Variants in PGAP1 observed in about 807,000 individuals in gnomAD.
The protein encoded by PGAP1 is GPI inositol-deacylase.
PGAP1 carries 76 observed loss-of-function variants against 127.0 expected under a neutral mutation model. That is an observed-to-expected ratio of 0.60 (90% confidence interval 0.50 to 0.72). The LOEUF (loss-of-function observed/expected upper bound fraction) is 0.72, where lower values mean the gene tolerates loss of function less well. Among genes scored for constraint, PGAP1 ranks in the 30% least tolerant of loss-of-function variants. The pLI, the probability that PGAP1 is intolerant of heterozygous loss-of-function variation, is 0.00. For missense variants in PGAP1, 982 were observed against 1,071.3 expected (o/e 0.92, Z 1.16); for synonymous variants, 362 against 366.5 (o/e 0.99, Z 0.14).
At chr2:196,868,209 C>G (rs1219699116) in intron 19 of PGAP1, among the ~76,000 whole-genome samples, 1 of 152,162 alleles carries the variant, frequency 6.6e-6, no homozygotes, top group Admixed American at 6.6e-5. Flanking sequence ...TTGCATAAGG[C>G]ATTTGGAATA....
chr2:196,860,286 CT>C (rs1701022691), intron 20 of PGAP1, among the ~76,000 whole-genome samples: 1 of 152,136 alleles, frequency 6.6e-6, no homozygotes, highest in Non-Finnish European at 1.5e-5. Flanking sequence ...AATCCCAGCA[CT>C]TTGGGAGGCT....
intron 20 of PGAP1, among the ~76,000 whole-genome samples, chr2:196,863,739 G>C (rs1406998148): frequency 6.6e-6 from 1 of 152,120 alleles, no homozygotes; most frequent in Non-Finnish European, 1.5e-5. Flanking sequence ...CACCAAGCCT[G>C]GATAATTTTT....
At position 196,836,898 on chromosome 2, in the gene PGAP1, GTAATA is replaced by G. The variant is rs1164948751; in HGVS notation, c.*4331_*4335del. On this transcript the variant is annotated 3_prime_UTR_variant, in exon 27 of 27. Transcript: ENST00000354764. ...AATTTTACAAAGTATCTTGTTTCCT[GTAATA>G]TACAAGTTCACAAATCCTACACAAT... 1 of 152,072 alleles carries G rather than the reference GTAATA, an allele frequency of 6.6e-6. No individual in the cohort carries two copies. The highest frequency in any genetic ancestry group is 1.5e-5 in the Non-Finnish European group (1 of 67,996). 9.4% of individuals were successfully genotyped at this position (152,072 alleles called of 1,614,324 possible).
chr2:196,864,907 T>TGG (rs1345782086), intron 20 of PGAP1, 80 bp downstream of exon 20: 1 of 654,882 alleles, frequency 1.5e-6, no homozygotes, highest in African/African-American at 1.9e-5. Context: ...ATTATATATA[T>TGG]AAACACATAT....
At chr2:196,853,498 T>C (rs1700782859) in intron 20 of PGAP1, among the ~76,000 whole-genome samples, 3 of 152,208 alleles carry the variant, frequency 2.0e-5, no homozygotes, top group Admixed American at 1.3e-4. Flanking sequence ...GGCTTACACT[T>C]ATAACCTTAG....
Position 196,846,987 on chromosome 2 carries a change from A to C in PGAP1, c.2150+16T>G. 1 of 1,589,832 alleles carries C rather than the reference A, an allele frequency of 6.3e-7. No homozygotes were observed. The highest frequency in any genetic ancestry group is 8.6e-7 in the Non-Finnish European group (1 of 1,164,006). On this transcript the variant is annotated intron_variant, in intron 22 of 26. Coordinates refer to ENST00000354764, the MANE Select transcript of PGAP1 (RefSeq NM_024989.4). ...TCTTAAAGCAATAAGAAAGCTGTTA[A>C]TCATTCATTCTTTACCTTTTCAAAG...
At chr2:196,868,979 TA>T (rs1195296224) in intron 19 of PGAP1, among the ~76,000 whole-genome samples, 1 of 152,180 alleles carries the variant, frequency 6.6e-6, no homozygotes, top group Non-Finnish European at 1.5e-5. Flanking sequence ...TAATACAAAT[TA>T]TTTTTTTAAT....
At chr2:196,843,714 C>T (rs1387247331) in intron 25 of PGAP1, among the ~76,000 whole-genome samples, 174 bp downstream of exon 25, 2 of 151,822 alleles carry the variant, frequency 1.3e-5, no homozygotes, top group Non-Finnish European at 2.9e-5. Context: ...GGCAACAAAG[C>T]GGGACTCCAT....
chr2:196,902,781 C>A (rs780313210), intron 4 of PGAP1, 39 bp from the exon 5 acceptor site: 10 of 1,487,858 alleles, frequency 6.7e-6, no homozygotes, highest in South Asian at 1.2e-5. Flanking sequence ...AAAACAGTAG[C>A]CATTCCCTGA....
At chr2:196,895,529 T>C (rs954911094) in intron 7 of PGAP1, among the ~76,000 whole-genome samples, 5 of 152,202 alleles carry the variant, frequency 3.3e-5, no homozygotes, top group African/African-American at 1.2e-4. Flanking sequence ...AATGTTTGTG[T>C]TGCATGACCA....
intron 7 of PGAP1, among the ~76,000 whole-genome samples, chr2:196,894,237 C>G (rs1273086165): frequency 2.0e-5 from 3 of 152,150 alleles, no homozygotes; most frequent in Admixed American, 1.3e-4. Context: ...TCAAACATAT[C>G]AAGTGTTTTT....
chr2:196,922,464 TAA>T (rs76844575), intron 1 of PGAP1: 5,262 of 889,362 alleles, frequency 5.9e-3, no homozygotes, highest in Non-Finnish European at 6.3e-3. Flanking sequence ...GGGGCTCCAT[TAA>T]AAAAAAAAAA....
At chr2:196,875,243 T>C (rs1425316334) in intron 14 of PGAP1, among the ~76,000 whole-genome samples, 1 of 152,122 alleles carries the variant, frequency 6.6e-6, no homozygotes, top group African/African-American at 2.4e-5. Flanking sequence ...AAGCCTGTAG[T>C]TTAATTAACA....
Position 196,847,072 on chromosome 2 carries a change from G to A in PGAP1, c.2081C>T (p.Ala694Val). ...AGAAGACAGTAGGCCACTCCAGTAG[G>A]CAGTACACGTTCCAAACAGAAAGAG... ...LILFLFGTCTAYWSGLLSSAS... is the reference protein window; with the variant it reads ...LILFLFGTCTVYWSGLLSSAS... Residue 694 changes from alanine to valine, a missense_variant, in exon 22 of 27, where the codon GCC becomes GTC. Ala to Val is a moderately conservative substitution (Grantham distance 64). Coordinates refer to ENST00000354764, the MANE Select transcript of PGAP1 (RefSeq NM_024989.4). The A allele has an allele frequency of 2.5e-6, 4 of 1,613,728 alleles. No homozygotes were observed. Among genetic ancestry groups the A allele is most frequent in the Non-Finnish European group, 3.4e-6 (4 of 1,179,772 alleles).
At position 196,897,142 on chromosome 2, in the gene PGAP1, C is replaced by G; in HGVS notation, c.916G>C (p.Asp306His). Residue 306 changes from aspartate (D) to histidine (H), a missense_variant, in exon 7 of 27, where the codon GAT (aspartate) becomes CAT (histidine). Asp to His is a moderately conservative substitution (Grantham distance 81). Transcript: ENST00000354764. ...TTAAAAATACATACTTGTTTAGTAT[C>G]AGCATCAATAAGATCAAAGAATGCT... ...VRAFFDLIDA[D>H]TKQITQNSKK... 1 of 1,562,154 alleles carries G rather than the reference C, an allele frequency of 6.4e-7. No individual in the cohort carries two copies. Among genetic ancestry groups the G allele is most frequent in the South Asian group, 1.2e-5 (1 of 84,840 alleles).
chr2:196,872,538 G>C lies in PGAP1; in HGVS notation c.1631C>G (p.Ser544Cys). The C allele has an allele frequency of 1.2e-6, 2 of 1,608,984 alleles. No homozygotes were observed. The highest frequency in any genetic ancestry group is 3.3e-5 in the Admixed American group (2 of 59,964). ...ATGGAGTTTCAGAGAAATTTCTGTGGAAGATGGAGCCCTGAAGAGATAACT... is the reference window on the plus strand; with the variant it reads ...ATGGAGTTTCAGAGAAATTTCTGTGCAAGATGGAGCCCTGAAGAGATAACT... ...DSLTIAQAPSSTEISLKLHIA... is the reference protein window; with the variant it reads ...DSLTIAQAPSCTEISLKLHIA... Residue 544 changes from serine to cysteine, a missense_variant, in exon 18 of 27, where the codon TCC becomes TGC. Transcript: ENST00000354764.
chr2:196,898,557 C>A (rs1283839902), intron 5 of PGAP1, among the ~76,000 whole-genome samples, 188 bp from the exon 6 acceptor site: 1 of 152,030 alleles, frequency 6.6e-6, no homozygotes, highest in African/African-American at 2.4e-5. Flanking sequence ...GTATAAATTT[C>A]TCTGTATAAA....
intron 4 of PGAP1, among the ~76,000 whole-genome samples, chr2:196,905,612 T>C (rs573831801): frequency 2.0e-5 from 3 of 152,180 alleles, no homozygotes; most frequent in African/African-American, 7.2e-5. Flanking sequence ...GATGGCCGAA[T>C]AGGAACAGCT....
At chr2:196,844,902 G>A (rs1700514895) in intron 23 of PGAP1, among the ~76,000 whole-genome samples, 1 of 151,990 alleles carries the variant, frequency 6.6e-6, no homozygotes, top group African/African-American at 2.4e-5. Flanking sequence ...ATGATGCTTT[G>A]TTATAGCAAC....
Sources: gnomAD v4.1 joint callset for allele counts (sites outside exome capture counted in the v4.1 genomes callset) on GRCh38, gnomAD v4.1.1 for gene constraint, MANE v1.5 for transcripts, NCBI Gene and HGNC (gene_info 2026-07-23, HGNC 2026-07-21) for gene names.